NEMF: variants seen among roughly 807,000 people sequenced by gnomAD.
NEMF encodes nuclear export mediator factor, also known as ribosome quality control complex subunit NEMF.
In NEMF, 89 loss-of-function variants were observed where a neutral mutation model predicts 162.2. The ratio of observed to expected loss-of-function variants is 0.55; its 90% CI spans 0.46 to 0.65. The LOEUF is 0.65. Ranked by LOEUF, NEMF falls within the 30% of genes least tolerant of loss-of-function variation. The pLI, the probability that NEMF is intolerant of heterozygous loss-of-function variation, is 0.00. For synonymous variants in NEMF, 421 were observed against 404.5 expected, an observed-to-expected ratio of 1.04 and a Z score of -0.49; for missense variants, 1,133 against 1,261.9, an observed-to-expected ratio of 0.90 and a Z score of 1.55.
intron 26 of NEMF, among the ~76,000 whole-genome samples, chr14:49,790,730 C>T (rs978827419): frequency 1.8e-4 from 28 of 152,268 alleles, no homozygotes; most frequent in African/African-American, 6.3e-4. Context: ...TGGCTCACAC[C>T]TGTAATCCCA....
At chr14:49,844,242 C>T (rs1298395902) in intron 4 of NEMF, among the ~76,000 whole-genome samples, 3 of 152,088 alleles carry the variant, frequency 2.0e-5, no homozygotes, top group African/African-American at 7.2e-5. Context: ...CACCTCAGAT[C>T]ATCAGGCATT....
At chr14:49,833,913 T>C (rs1244950021) in intron 7 of NEMF, among the ~76,000 whole-genome samples, 1 of 152,182 alleles carries the variant, frequency 6.6e-6, no homozygotes, top group African/African-American at 2.4e-5. Context: ...TCCTGAACAT[T>C]TTCACATGCT....
Position 49,782,352 on chromosome 14 carries a change from T to TTTTTG in NEMF, c.*2279_*2283dup, listed in dbSNP as rs1889944437. ...GGTGTTCTGGGTGGCTTCAAACTCG[T>TTTTTG]TTTTGTTTTAAATGCAGGTTATGGC... On this transcript the variant is annotated 3_prime_UTR_variant, in exon 33 of 33. Transcript: ENST00000298310. The TTTTTG allele has an allele frequency of 6.3e-7, 1 of 1,588,108 alleles. No individual in the cohort carries two copies. Among genetic ancestry groups the TTTTTG allele is most frequent in the Non-Finnish European group, 8.6e-7 (1 of 1,163,104 alleles).
At position 49,797,755 on chromosome 14, in the gene NEMF, A is replaced by G. The variant is rs188162336; in HGVS notation, c.2465+1720T>C. Among the ~76,000 whole-genome samples, 21 of 152,376 alleles carry G rather than the reference A, an allele frequency of 1.4e-4. No homozygotes were observed. The East Asian group carries it at 3.1e-3, about 22-fold the overall frequency. ...GAACTAGTCTATGTAATACACTGAA[A>G]TCATTATTGTACATGTTTATGTAAT... On this transcript the variant is annotated intron_variant, in intron 25 of 32. Transcript: ENST00000298310.
chr14:49,827,059 G>A (rs1892388740), intron 15 of NEMF, among the ~76,000 whole-genome samples: 1 of 152,116 alleles, frequency 6.6e-6, no homozygotes, highest in South Asian at 2.1e-4. Flanking sequence ...TATGAGAGGA[G>A]GAATGCAGGT....
In NEMF at chr14:49,822,638, T is replaced by C. The variant is rs568853185; in HGVS notation, c.1577+3229A>G. On this transcript the variant is annotated intron_variant, in intron 16 of 32. Coordinates refer to ENST00000298310, the MANE Select transcript of NEMF (RefSeq NM_004713.6). ...TGAGCCCAGGAGTTCGAGATCAGCC[T>C]GGCCAACACTGAAAGATCCAGTCTC... Among the ~76,000 whole-genome samples, 3 of 125,930 alleles carry C rather than the reference T, an allele frequency of 2.4e-5. No homozygotes were observed. The East Asian group carries it at 7.5e-4, about 31-fold the overall frequency. The allele number at this position is 125,930 out of a possible 152,430, so 82.6% of individuals were successfully genotyped here.
Position 49,841,196 on chromosome 14 carries a change from CAAAAAAAA to C in NEMF, c.358-338_358-331del, listed in dbSNP as rs34039009. ...TGGGCAACAAGAGCAAACTCTGTCT[CAAAAAAAA>C]AAAAAAAAAAAAAGGAAATAAAAAA... On this transcript the variant is annotated intron_variant, in intron 4 of 32. Coordinates refer to ENST00000298310, the MANE Select transcript of NEMF (RefSeq NM_004713.6). Among the ~76,000 whole-genome samples the C allele has an allele frequency of 2.1e-4, 12 of 56,800 alleles. No homozygotes were observed. The Admixed American group carries it at 2.4e-3, about 11-fold the overall frequency. 37.3% of individuals were successfully genotyped at this position (56,800 alleles called of 152,430 possible).
intron 5 of NEMF, among the ~76,000 whole-genome samples, chr14:49,838,836 G>C (rs1189721232): frequency 6.6e-6 from 1 of 151,968 alleles, no homozygotes; most frequent in Non-Finnish European, 1.5e-5. Context: ...CGCCCACCTT[G>C]GCCTCCCAAA....
Position 49,800,533 on chromosome 14 carries a change from T to C in NEMF, c.2259A>G (p.Glu753=), listed in dbSNP as rs1890904315. ...CCTGATCTTTTCTAACCTCTTCATATTCTCCTTCGTCTTCAGAGCTTTCTT... is the reference window on the plus strand; with the variant it reads ...CCTGATCTTTTCTAACCTCTTCATACTCTCCTTCGTCTTCAGAGCTTTCTT... ...IQEESSEDEG[E]YEEVRKDQDS... Residue 753 remains glutamate, a synonymous_variant, in exon 23 of 33, where the codon GAA becomes GAG. Transcript: ENST00000298310. 4 of 1,614,082 alleles carry C rather than the reference T, an allele frequency of 2.5e-6. No homozygotes were observed. Among genetic ancestry groups the C allele is most frequent in the Non-Finnish European group, 3.4e-6 (4 of 1,179,964 alleles).
At chr14:49,831,542 A>C (rs1048187570) in intron 10 of NEMF, among the ~76,000 whole-genome samples, 181 bp from the exon 11 acceptor site, 1 of 151,810 alleles carries the variant, frequency 6.6e-6, no homozygotes, top group Non-Finnish European at 1.5e-5. Context: ...GGTTCAAGTG[A>C]TTCTCCTGCC....
Position 49,814,862 on chromosome 14 carries a change from C to CA in NEMF, c.1578-6dup. ...AACCACAGAAATTTCTCAAACCTAT[C>CA]AAAATGAAAGAAAAAAAGTTAACTT... is the stretch of plus-strand genomic sequence containing the variant. On this transcript the variant is annotated splice_region_variant and splice_polypyrimidine_tract_variant and intron_variant, in intron 16 of 32. Coordinates refer to ENST00000298310, the MANE Select transcript of NEMF (RefSeq NM_004713.6). 1 of 1,516,480 alleles carries CA rather than the reference C, an allele frequency of 6.6e-7. No homozygotes were observed. The highest frequency in any genetic ancestry group is 8.9e-7 in the Non-Finnish European group (1 of 1,120,156). 93.9% of individuals were successfully genotyped at this position (1,516,480 alleles called of 1,614,324 possible). A position where few individuals can be genotyped will look rare whatever the true frequency, so the allele number is the denominator to read the frequency against.
intron 22 of NEMF, 114 bp downstream of exon 22, chr14:49,802,339 G>C: frequency 8.5e-7 from 1 of 1,178,114 alleles, no homozygotes; most frequent in Non-Finnish European, 1.2e-6. Context: ...TTGGGTTTTC[G>C]GGGTTTTTTT....
At chr14:49,839,813 G>A (rs1345201938) in intron 5 of NEMF, 2 of 152,122 alleles carry the variant, frequency 1.3e-5, no homozygotes, top group African/African-American at 4.8e-5. Context: ...AATTTGTTAA[G>A]TGTTCCATAT....
At chr14:49,806,927 G>C (rs11846165) in intron 18 of NEMF, among the ~76,000 whole-genome samples, 35 of 152,216 alleles carry the variant, frequency 2.3e-4, no homozygotes, top group African/African-American at 8.2e-4. Flanking sequence ...ATACAATTCA[G>C]TGGCTTTTTG....
intron 16 of NEMF, among the ~76,000 whole-genome samples, chr14:49,821,649 CCCCGCCCGG>C: frequency 8.2e-6 from 1 of 122,484 alleles, no homozygotes; most frequent in Non-Finnish European, 1.8e-5. Context: ...GGGCTCAGCC[CCCCGCCCGG>C]CCAGCCGCCC....
At position 49,799,662 on chromosome 14, in the gene NEMF, C is replaced by G. The variant is rs776857492; in HGVS notation, c.2389G>C (p.Ala797Pro). ...LQPQRSIQKLASKEESSNSSD... is the reference protein window; with the variant it reads ...LQPQRSIQKLPSKEESSNSSD... ...GAATTAGAAGATTCCTCTTTTGAAG[C>G]CAATTTCTGGATGGACCTATGAAAA... is the stretch of plus-strand genomic sequence containing the variant. Residue 797 changes from alanine (A) to proline (P), a missense_variant, in exon 24 of 33, where the codon GCT becomes CCT. Coordinates refer to ENST00000298310, the MANE Select transcript of NEMF (RefSeq NM_004713.6). The G allele has an allele frequency of 3.1e-6, 5 of 1,612,036 alleles. No individual in the cohort carries two copies. In the East Asian group the frequency reaches 1.1e-4, roughly 36 times the overall value.
At chr14:49,790,330 C>T (rs1199426928) in intron 26 of NEMF, among the ~76,000 whole-genome samples, 2 of 152,048 alleles carry the variant, frequency 1.3e-5, no homozygotes, top group Non-Finnish European at 2.9e-5. Flanking sequence ...TTGCAGAGAA[C>T]CCTTATACAT....
intron 22 of NEMF, 21 bp downstream of exon 22, chr14:49,802,432 T>C (rs202141507): frequency 6.2e-7 from 1 of 1,608,660 alleles, no homozygotes; most frequent in Non-Finnish European, 8.5e-7. Flanking sequence ...ACAAGCTAAT[T>C]TCTTAAAATC....
chr14:49,798,902 A>G (rs142159474), intron 25 of NEMF, among the ~76,000 whole-genome samples: 3 of 150,600 alleles, frequency 2.0e-5, no homozygotes, highest in African/African-American at 7.3e-5. Flanking sequence ...GCGAGACTCC[A>G]TCTCAAAAAA....
Sources: gnomAD v4.1 joint callset for allele counts (sites outside exome capture counted in the v4.1 genomes callset) on GRCh38, gnomAD v4.1.1 for gene constraint, MANE v1.5 for transcripts, NCBI Gene and HGNC (gene_info 2026-07-23, HGNC 2026-07-21) for gene names.